The following RBMS3 variants were observed in gnomAD, a reference collection of about 807,000 sequenced individuals.
RBMS3 encodes RNA binding motif single stranded interacting protein 3.
A neutral mutation model predicts 66.8 loss-of-function variants in RBMS3; 27 were observed. The observed-to-expected ratio is 0.40, with a 90% confidence interval of 0.30 to 0.56. The LOEUF is 0.56. RBMS3 is among the 20% of genes least tolerant of loss of function. The probability of loss-of-function intolerance (pLI) is 0.40; values close to 1 mark genes in which losing one functional copy is unlikely to be tolerated. For missense variants in RBMS3, 513 were observed against 549.5 expected, an observed-to-expected ratio of 0.93 and a Z score of 0.66; for synonymous variants, 188 against 183.0, an observed-to-expected ratio of 1.03 and a Z score of -0.22.
In RBMS3 at chr3:29,671,759, G is replaced by T. The variant is rs1012763742; in HGVS notation, c.400-67961G>T. On this transcript the variant is annotated intron_variant, in intron 4 of 14. Transcript: ENST00000383767. ...AAAAGAGTAAAAAGCAACAAACAAA[G>T]CCTCCAAGAAATATGGTACTATGTG... Among the ~76,000 whole-genome samples, 5 of 152,156 alleles carry T rather than the reference G, an allele frequency of 3.3e-5. No individual in the cohort carries two copies. In the South Asian group the frequency reaches 6.2e-4, roughly 19 times the overall value.
intron 3 of RBMS3, among the ~76,000 whole-genome samples, chr3:29,524,611 A>T (rs76616219): frequency 0.24 from 13,606 of 56,596 alleles, 969 homozygotes; most frequent in African/African-American, 0.41. Context: ...CATTTTATTT[A>T]TTTATTTTTT....
chr3:29,512,427 CCTT>C (rs1232949957), intron 3 of RBMS3, among the ~76,000 whole-genome samples: 9 of 151,958 alleles, frequency 5.9e-5, no homozygotes, highest in African/African-American at 9.7e-5. Context: ...TTGCATTAAT[CCTT>C]CTTTAATTTA....
At chr3:29,985,038 G>A (rs1698280112) in intron 12 of RBMS3, among the ~76,000 whole-genome samples, 1 of 152,232 alleles carries the variant, frequency 6.6e-6, no homozygotes, top group South Asian at 2.1e-4. Flanking sequence ...AGGGAGATGG[G>A]TGTTTTATCT....
chr3:29,679,589 CA>C (rs920472955), intron 4 of RBMS3, among the ~76,000 whole-genome samples: 4 of 151,944 alleles, frequency 2.6e-5, no homozygotes, highest in Non-Finnish European at 5.9e-5. Context: ...AATCACAGGC[CA>C]AGCAGTGAAC....
At chr3:29,435,375 C>T (rs1005892529) in intron 2 of RBMS3, among the ~76,000 whole-genome samples, 20 of 152,258 alleles carry the variant, frequency 1.3e-4, no homozygotes, top group African/African-American at 4.6e-4. Flanking sequence ...CAGCCAGGAC[C>T]ATGTATTTGG....
At chr3:29,797,169 T>G (rs1445362899) in intron 6 of RBMS3, among the ~76,000 whole-genome samples, 1 of 152,210 alleles carries the variant, frequency 6.6e-6, no homozygotes, top group East Asian at 1.9e-4. Context: ...ATATTGAAAA[T>G]CTATTGTTTA....
chr3:29,961,884 A>C (rs1049912609), intron 12 of RBMS3, among the ~76,000 whole-genome samples: 12 of 151,420 alleles, frequency 7.9e-5, no homozygotes, highest in African/African-American at 2.9e-4. Context: ...GAGGGAGTTA[A>C]ACTGACAGTA....
chr3:29,932,077 C>T (rs1012697568), intron 10 of RBMS3, among the ~76,000 whole-genome samples: 1 of 151,958 alleles, frequency 6.6e-6, no homozygotes, highest in African/African-American at 2.4e-5. Context: ...AAATGCAAGG[C>T]TACTAAGATT....
chr3:29,959,711 T>G (rs1408249491), intron 12 of RBMS3, among the ~76,000 whole-genome samples: 2 of 152,088 alleles, frequency 1.3e-5, no homozygotes, highest in Non-Finnish European at 2.9e-5. Flanking sequence ...TCAGGAAACT[T>G]ACAATCGTGG....
intron 3 of RBMS3, among the ~76,000 whole-genome samples, chr3:29,490,732 G>T (rs2043511282): frequency 6.6e-6 from 1 of 152,124 alleles, no homozygotes; most frequent in South Asian, 2.1e-4. Flanking sequence ...TGAGAACTTG[G>T]AGAACATTTG....
At chr3:29,472,140 A>T (rs2042750734) in intron 2 of RBMS3, among the ~76,000 whole-genome samples, 1 of 152,036 alleles carries the variant, frequency 6.6e-6, no homozygotes, top group African/African-American at 2.4e-5. Context: ...ACCACCAGCC[A>T]AATCATGAAA....
At chr3:29,565,644 T>A (rs184818507) in intron 3 of RBMS3, among the ~76,000 whole-genome samples, 18 of 152,328 alleles carry the variant, frequency 1.2e-4, no homozygotes, top group Middle Eastern at 3.4e-3. Context: ...TAACCTCACC[T>A]TAAAATCCTA....
intron 2 of RBMS3, among the ~76,000 whole-genome samples, chr3:29,457,056 C>T (rs1173813767): frequency 6.6e-6 from 1 of 152,154 alleles, no homozygotes; most frequent in East Asian, 1.9e-4. Context: ...CTCAGAGTCA[C>T]ACTTCATCCC....
intron 2 of RBMS3, among the ~76,000 whole-genome samples, chr3:29,452,264 GGT>G (rs2125762505): frequency 6.6e-6 from 1 of 152,158 alleles, no homozygotes; most frequent in Admixed American, 6.5e-5. Flanking sequence ...CAATCCTCAG[GGT>G]GTGTGGACGA....
At chr3:29,972,712 G>A (rs1697306639) in intron 12 of RBMS3, among the ~76,000 whole-genome samples, 1 of 152,084 alleles carries the variant, frequency 6.6e-6, no homozygotes, top group Admixed American at 6.6e-5. Context: ...CATTCACGAT[G>A]TGTGGGCTGG....
At chr3:30,001,038 TAAAA>T (rs10640996) in intron 14 of RBMS3, among the ~76,000 whole-genome samples, 2 of 151,596 alleles carry the variant, frequency 1.3e-5, no homozygotes, top group East Asian at 1.9e-4. Flanking sequence ...TAAAGTATAA[TAAAA>T]AAAAGAAAAG....
In RBMS3 at chr3:29,681,330, CTTTA is replaced by C. The variant is rs201729287; in HGVS notation, c.400-58386_400-58383del. Among the ~76,000 whole-genome samples the C allele has an allele frequency of 2.3e-4, 35 of 152,248 alleles. No homozygotes were observed. The East Asian group carries it at 5.8e-3, about 25-fold the overall frequency. ...TAGCCTCATGCTGACTGATCTATAACTTTATTTTTTTTTCTTCAGCTTTTATTTT... is the reference window on the plus strand; with the variant it reads ...TAGCCTCATGCTGACTGATCTATAACTTTTTTTTTCTTCAGCTTTTATTTT... On this transcript the variant is annotated intron_variant, in intron 4 of 14. Coordinates refer to ENST00000383767, the MANE Select transcript of RBMS3 (RefSeq NM_001003793.3).
chr3:29,899,625 C>T, intron 9 of RBMS3, 80 bp from the exon 10 acceptor site: 1 of 1,266,904 alleles, frequency 7.9e-7, no homozygotes, highest in Non-Finnish European at 1.1e-6. Context: ...TTTCTTATGA[C>T]CTAGTGTGAC....
intron 4 of RBMS3, among the ~76,000 whole-genome samples, chr3:29,590,296 T>G (rs1270580089): frequency 6.6e-6 from 1 of 152,074 alleles, no homozygotes; most frequent in Non-Finnish European, 1.5e-5. Flanking sequence ...GTTAGAGAAC[T>G]GCTGTGAGAA....
Sources: gnomAD v4.1 joint callset for allele counts (sites outside exome capture counted in the v4.1 genomes callset) on GRCh38, gnomAD v4.1.1 for gene constraint, MANE v1.5 for transcripts, NCBI Gene and HGNC (gene_info 2026-07-23, HGNC 2026-07-21) for gene names.